KDM4B: variants seen among roughly 807,000 people sequenced by gnomAD.
KDM4B encodes lysine-specific demethylase 4B.
In KDM4B, 32 loss-of-function variants were observed where a neutral mutation model predicts 125.2. The observed-to-expected ratio is 0.26, with a 90% CI of 0.19 to 0.34. KDM4B has a LOEUF of 0.34. KDM4B is among the 10% of genes least tolerant of loss of function. The pLI is 1.00. For synonymous variants in KDM4B, 721 were observed against 677.9 expected (o/e 1.06, Z -0.99); for missense variants, 1,190 against 1,577.7 (o/e 0.75, Z 4.16).
intron 9 of KDM4B, among the ~76,000 whole-genome samples, chr19:5,083,381 C>T (rs1210901660): frequency 1.3e-5 from 2 of 152,288 alleles, no homozygotes; most frequent in East Asian, 1.9e-4. Flanking sequence ...GGGACGTGGA[C>T]GGGGCTTATG....
rs148880174 is a variant in KDM4B at position 5,094,913 on chromosome 19, C to T, written c.918+12409C>T. Among the ~76,000 whole-genome samples the T allele has an allele frequency of 6.3e-3, 957 of 152,266 alleles. 11 individuals carry two copies. Among genetic ancestry groups the T allele is most frequent in the African/African-American group, 0.021 (886 of 41,536 alleles). ...CCTGGGCAGCGCAGGTGCAGGTCAT[C>T]GCCGTCACCACAGACAGTCCTGTCA... On this transcript the variant is annotated intron_variant, in intron 9 of 22. Transcript: ENST00000159111.
At chr19:5,048,689 C>T (rs1352046362) in intron 6 of KDM4B, among the ~76,000 whole-genome samples, 7 of 152,216 alleles carry the variant, frequency 4.6e-5, no homozygotes, top group Admixed American at 1.3e-4. Flanking sequence ...TCCTCACCTG[C>T]GTCCGAAGCG....
rs555282667 is a variant in KDM4B at position 5,153,227 on chromosome 19, A to G, written c.*1716A>G. 6.6e-6 allele frequency: 1 copy of G among 152,364 alleles called. No individual in the cohort carries two copies. The highest frequency in any genetic ancestry group is 2.1e-4 in the South Asian group (1 of 4,836). The allele number at this position is 152,364 out of a possible 1,614,324, so 9.4% of individuals were successfully genotyped here. A position where few individuals can be genotyped will look rare whatever the true frequency, so the allele number is the denominator to read the frequency against. On this transcript the variant is annotated 3_prime_UTR_variant, in exon 23 of 23. Coordinates refer to ENST00000159111, the MANE Select transcript of KDM4B (RefSeq NM_015015.3). ...TCGGGGAGGTTGGGGGGTGTCAGCC[A>G]AAACGTGGAGGTGTCCCTCTGCACG...
chr19:5,034,416 G>A (rs59075487), intron 3 of KDM4B, among the ~76,000 whole-genome samples: 8,958 of 152,326 alleles, frequency 0.059, 298 homozygotes, highest in Admixed American at 0.09. Flanking sequence ...ACCAGACGCC[G>A]TGTGAATGAA....
Position 5,137,276 on chromosome 19 carries a change from C to A in KDM4B, c.2323C>A (p.Arg775Ser), listed in dbSNP as rs868455180. 1 of 1,576,596 alleles carries A rather than the reference C, an allele frequency of 6.3e-7. No individual in the cohort carries two copies. Among genetic ancestry groups the A allele is most frequent in the Non-Finnish European group, 8.6e-7 (1 of 1,161,260 alleles). The change falls in exon 16 of 23, where the codon CGT becomes AGT. Residue 775 changes from arginine to serine, a missense_variant. Arg to Ser is a moderately radical substitution (Grantham distance 110). Coordinates refer to ENST00000159111, the MANE Select transcript of KDM4B (RefSeq NM_015015.3). ...CTGTCTTCCAGGTTGCTATGGCATCCGTCCCGAGCTGGTCAATGAAGGCTG... is the reference window on the plus strand; with the variant it reads ...CTGTCTTCCAGGTTGCTATGGCATCAGTCCCGAGCTGGTCAATGAAGGCTG... ...LQVHASCYGI[R>S]PELVNEGWTC...
At chr19:5,064,113 C>T (rs922518899) in intron 6 of KDM4B, among the ~76,000 whole-genome samples, 9 of 152,176 alleles carry the variant, frequency 5.9e-5, no homozygotes, top group South Asian at 2.1e-4. Flanking sequence ...GCGAGGGTGG[C>T]GGTCACCATG....
intron 13 of KDM4B, among the ~76,000 whole-genome samples, chr19:5,132,406 C>T (rs1263854735): frequency 6.6e-6 from 1 of 152,144 alleles, no homozygotes. Context: ...AACCCTCAGC[C>T]GAGAGCTGCT....
intron 1 of KDM4B, among the ~76,000 whole-genome samples, chr19:5,015,714 T>C (rs2035871752): frequency 6.6e-6 from 1 of 152,160 alleles, no homozygotes; most frequent in Admixed American, 6.5e-5. Context: ...AAAGTCTTGG[T>C]GTCACATCCA....
At position 5,047,526 on chromosome 19, in the gene KDM4B, G is replaced by GGAGC; in HGVS notation, c.485_488dup (p.Glu164AlafsTer45). The GGAGC allele has an allele frequency of 6.2e-7, 1 of 1,613,734 alleles. No individual in the cohort carries two copies. The highest frequency in any genetic ancestry group is 8.5e-7 in the Non-Finnish European group (1 of 1,179,840). ...GCCTCCGGACCATCCTGGACATGGTGGAGCGCGAGTGCGGCACCATCATCG... is the reference window on the plus strand; with the variant it reads ...GCCTCCGGACCATCCTGGACATGGTGGAGCGAGCGCGAGTGCGGCACCATCATCG... On this transcript the variant is annotated frameshift_variant, in exon 6 of 23. Transcript: ENST00000159111. LOFTEE classifies it high-confidence loss of function.
intron 1 of KDM4B, among the ~76,000 whole-genome samples, chr19:5,001,133 G>A (rs2035371115): frequency 6.6e-6 from 1 of 151,756 alleles, no homozygotes; most frequent in African/African-American, 2.4e-5. Context: ...CTGGGTTCAA[G>A]TGATCCTGCC....
At chr19:5,041,059 G>T in intron 4 of KDM4B, 78 bp from the exon 5 acceptor site, 1 of 908,362 alleles carries the variant, frequency 1.1e-6, no homozygotes. Context: ...TGGGTGCCCT[G>T]GGTTCCAGGT....
At chr19:5,093,614 A>C (rs1368761280) in intron 9 of KDM4B, among the ~76,000 whole-genome samples, 1 of 152,238 alleles carries the variant, frequency 6.6e-6, no homozygotes, top group Non-Finnish European at 1.5e-5. Flanking sequence ...ATCAGCGCAG[A>C]TGCGGGCGCC....
At chr19:5,030,031 C>T (rs765622934) in intron 2 of KDM4B, among the ~76,000 whole-genome samples, 51 of 152,238 alleles carry the variant, frequency 3.4e-4, no homozygotes, top group Non-Finnish European at 6.9e-4. Context: ...GGGTGTGCTG[C>T]TGGCAGCTGT....
At chr19:5,080,512 C>T (rs1370777465) in intron 8 of KDM4B, among the ~76,000 whole-genome samples, 1 of 152,242 alleles carries the variant, frequency 6.6e-6, no homozygotes, top group Non-Finnish European at 1.5e-5. Flanking sequence ...AGCTGGGAGA[C>T]ACCGCCAGCC....
At position 5,042,010 on chromosome 19, in the gene KDM4B, C is replaced by T. The variant is rs367926499; in HGVS notation, c.432+759C>T. Among the ~76,000 whole-genome samples the T allele has an allele frequency of 5.7e-3, 864 of 152,348 alleles. 9 individuals carry two copies. Among genetic ancestry groups the T allele is most frequent in the African/African-American group, 0.02 (815 of 41,584 alleles). On this transcript the variant is annotated intron_variant, in intron 5 of 22. Transcript: ENST00000159111. ...CTGTTCAGGCTGGAAGTGAGCCCGC[C>T]CTGGAGAACCTGAGGGAGACGCCCC...
At chr19:4,987,960 T>A (rs2034897251) in intron 1 of KDM4B, among the ~76,000 whole-genome samples, 1 of 152,124 alleles carries the variant, frequency 6.6e-6, no homozygotes, top group Admixed American at 6.5e-5. Flanking sequence ...CAGCAGCTGG[T>A]TTCACGCCCC....
intron 1 of KDM4B, among the ~76,000 whole-genome samples, chr19:5,011,737 A>G (rs954318278): frequency 1.3e-5 from 2 of 152,208 alleles, no homozygotes; most frequent in Admixed American, 6.5e-5. Context: ...GGTCTGGTGC[A>G]GGCCCAACTT....
chr19:5,053,868 T>C (rs1216470558), intron 6 of KDM4B, among the ~76,000 whole-genome samples: 1 of 152,250 alleles, frequency 6.6e-6, no homozygotes, highest in Non-Finnish European at 1.5e-5. Context: ...GCGTCCCGGC[T>C]GACTGGCTCT....
At chr19:4,987,078 C>A (rs1213578469) in intron 1 of KDM4B, among the ~76,000 whole-genome samples, 1 of 151,996 alleles carries the variant, frequency 6.6e-6, no homozygotes, top group African/African-American at 2.4e-5. Flanking sequence ...CCTGCCTCAG[C>A]CTCCTGAGTA....
Sources: allele counts gnomAD v4.1 joint callset (sites outside exome capture counted in the v4.1 genomes callset), GRCh38; gene constraint gnomAD v4.1.1; transcripts MANE v1.5; gene names NCBI Gene and HGNC (gene_info 2026-07-23, HGNC 2026-07-21).